The following SEBOX variants were observed in gnomAD, a reference collection of about 807,000 sequenced individuals.
SEBOX encodes the protein homeobox protein SEBOX.
A neutral mutation model predicts 7.8 loss-of-function variants in SEBOX; 10 were observed. The observed-to-expected ratio is 1.28, with a 90% CI of 0.79 to 2.17. The LOEUF is 2.17. SEBOX is among the 30% of genes most tolerant of loss of function. The pLI is 0.00. For synonymous variants in SEBOX, 98 were observed against 91.5 expected (o/e 1.07, Z -0.40); for missense variants, 240 against 239.5 (o/e 1.00, Z -0.01).
Position 28,363,932 on chromosome 17 carries a change from T to C in SEBOX, c.*336A>G, listed in dbSNP as rs1169852306. Among the ~76,000 whole-genome samples the C allele has an allele frequency of 6.6e-6, 1 of 152,138 alleles. No individual in the cohort carries two copies. Among genetic ancestry groups the C allele is most frequent in the Admixed American group, 6.5e-5 (1 of 15,282 alleles). On this transcript the variant is annotated 3_prime_UTR_variant, in exon 3 of 3. Transcript: ENST00000536498. The stretch of plus-strand genomic sequence containing the variant: ...TCAGAAGGAGGAGGCCATCAGCTGG[T>C]GAGAACTGGGGACCAGGCCTGGCAA...
chr17:28,364,162 C>A lies in SEBOX; in HGVS notation c.*106G>T. On this transcript the variant is annotated 3_prime_UTR_variant, in exon 3 of 3. Transcript: ENST00000536498. ...TCCTTTCCCGTAGGGAATCCCTTTG[C>A]ATAAAAAGTGGGGCCAGGGAATCCA... is the stretch of plus-strand genomic sequence containing the variant. The A allele has an allele frequency of 8.9e-7, 1 of 1,124,578 alleles. No individual in the cohort carries two copies. Among genetic ancestry groups the A allele is most frequent in the Non-Finnish European group, 1.2e-6 (1 of 806,966 alleles). The allele number at this position is 1,124,578 out of a possible 1,614,324, so 69.7% of individuals were successfully genotyped here.
chr17:28,364,266 G>A lies in SEBOX; in HGVS notation c.*2C>T. 3 of 1,604,620 alleles carry A rather than the reference G, an allele frequency of 1.9e-6. No individual in the cohort carries two copies. Among genetic ancestry groups the A allele is most frequent in the Non-Finnish European group, 2.6e-6 (3 of 1,175,072 alleles). On this transcript the variant is annotated 3_prime_UTR_variant, in exon 3 of 3. Coordinates refer to ENST00000536498, the MANE Select transcript of SEBOX (RefSeq NM_001080837.4). ...AGGGGCCTTGCAAGTTCTGGACAAAGACTAGGAGTGGTCCACATTGACGAC... is the reference window on the plus strand; with the variant it reads ...AGGGGCCTTGCAAGTTCTGGACAAAAACTAGGAGTGGTCCACATTGACGAC...
Position 28,364,577 on chromosome 17 carries a change from C to T in SEBOX, c.264G>A (p.Glu88=). 6.4e-7 allele frequency: 1 copy of T among 1,560,400 alleles called. No individual in the cohort carries two copies. Among genetic ancestry groups the T allele is most frequent in the Non-Finnish European group, 8.7e-7 (1 of 1,153,902 alleles). Reference sequence around the variant, plus strand: ...GAAGAGAACAGGAGCTCTGGGGGCACTCAGACCCAGGGCTTAGAATTCCTG... The same window carrying T: ...GAAGAGAACAGGAGCTCTGGGGGCATTCAGACCCAGGGCTTAGAATTCCTG... The part of the protein sequence containing the change: ...RKSGILSPGS[E]CPQSSCSLPD... The change falls in exon 3 of 3, where the codon GAG becomes GAA. Residue 88 remains glutamate, a synonymous_variant. Transcript: ENST00000536498.
rs115914138 is a variant in SEBOX, at chr17:28,364,630, A to G, written c.211T>C (p.Trp71Arg). Reference sequence around the variant, plus strand: ...TTCCTGTTCTTGATTATTTTGGCCCAGCGCTTCTGGAACCACACCTGCTAG... The same window carrying G: ...TTCCTGTTCTTGATTATTTTGGCCCGGCGCTTCTGGAACCACACCTGCTAG... ...AKVQVWFQKR[W>R]AKIIKNRKSG... Residue 71 changes from tryptophan to arginine, a missense_variant, in exon 3 of 3, where the codon TGG becomes CGG. By Grantham distance (101) the Trp-to-Arg change is moderately radical. Transcript: ENST00000536498. The G allele has an allele frequency of 1.2e-3, 1,925 of 1,546,172 alleles. 31 individuals carry two copies. The African/African-American group carries it at 0.024, about 19-fold the overall frequency.
chr17:28,364,670 T>C, intron 2 of SEBOX, 22 bp from the exon 3 acceptor site: 2 of 1,553,112 alleles, frequency 1.3e-6, no homozygotes, highest in Non-Finnish European at 1.7e-6. Flanking sequence ...GAAGAAGGGG[T>C]CTGTTCTGGC....
In SEBOX at chr17:28,365,190, G is replaced by A; in HGVS notation, c.-39C>T. 1 of 1,612,736 alleles carries A rather than the reference G, an allele frequency of 6.2e-7. No homozygotes were observed. The highest frequency in any genetic ancestry group is 8.5e-7 in the Non-Finnish European group (1 of 1,179,512). ...GGTAAGGTGCCAGAGGGCCGTGCCA[G>A]AGGGCCATGCCAGGGCTGTGCCCAC... On this transcript the variant is annotated 5_prime_UTR_variant, in exon 1 of 3. Coordinates refer to ENST00000536498, the MANE Select transcript of SEBOX (RefSeq NM_001080837.4).
At chr17:28,364,677 T>C (rs781855707) in intron 2 of SEBOX, 29 bp from the exon 3 acceptor site, 1 of 1,566,508 alleles carries the variant, frequency 6.4e-7, no homozygotes, top group Non-Finnish European at 8.6e-7. Context: ...GGGTCTGTTC[T>C]GGCCCCAGCA....
Position 28,365,105 on chromosome 17 carries a change from TCCC to T in SEBOX, c.31+13_31+15del, listed in dbSNP as rs2067899659. ...CCTGCGTTCTCACCCTGCCCACACTTCCCCCATCAGATCACCTGCTGAGGATGC... is the reference window on the plus strand; with the variant it reads ...CCTGCGTTCTCACCCTGCCCACACTTCCATCAGATCACCTGCTGAGGATGC... On this transcript the variant is annotated intron_variant, in intron 1 of 2. Coordinates refer to ENST00000536498, the MANE Select transcript of SEBOX (RefSeq NM_001080837.4). The T allele has an allele frequency of 1.2e-6, 2 of 1,600,524 alleles. No homozygotes were observed. Among genetic ancestry groups the T allele is most frequent in the Non-Finnish European group, 1.7e-6 (2 of 1,170,778 alleles).
chr17:28,365,183 C>T lies in SEBOX; in HGVS notation c.-32G>A, dbSNP rs201355502. The T allele has an allele frequency of 2.8e-4, 458 of 1,611,984 alleles. 6 individuals carry two copies. In the East Asian group the frequency reaches 9.6e-3, roughly 34 times the overall value. ...GGCAAAGGGTAAGGTGCCAGAGGGC[C>T]GTGCCAGAGGGCCATGCCAGGGCTG... On this transcript the variant is annotated 5_prime_UTR_variant, in exon 1 of 3. Transcript: ENST00000536498.
chr17:28,365,098 C>G lies in SEBOX; in HGVS notation c.31+23G>C, dbSNP rs1555582821. The stretch of plus-strand genomic sequence containing the variant: ...ACCATGGCCTGCGTTCTCACCCTGC[C>G]CACACTTCCCCCATCAGATCACCTG... On this transcript the variant is annotated intron_variant, in intron 1 of 2. Transcript: ENST00000536498. 3.1e-6 allele frequency: 5 copies of G among 1,600,072 alleles called. No homozygotes were observed. In the Admixed American group the frequency reaches 8.5e-5, roughly 27 times the overall value.
chr17:28,364,337 C>A lies in SEBOX; in HGVS notation c.504G>T (p.Gln168His). Residue 168 changes from glutamine to histidine, a missense_variant, in exon 3 of 3, where the codon CAG becomes CAT. By Grantham distance (24) the Gln-to-His change is conservative (BLOSUM62 0). Transcript: ENST00000536498. Reference sequence around the variant, plus strand: ...GGTCAGACAGGCTGCCTAGTGAAGTCTGGGGAGTAGCTCGCTCTAAAGAAG... The same window carrying A: ...GGTCAGACAGGCTGCCTAGTGAAGTATGGGGAGTAGCTCGCTCTAAAGAAG... The part of the protein sequence containing the change: ...VHPSLERATP[Q>H]TSLGSLSDLI... 6.2e-7 allele frequency: 1 copy of A among 1,602,188 alleles called. No individual in the cohort carries two copies.
chr17:28,364,877 G>A lies in SEBOX; in HGVS notation c.110C>T (p.Ala37Val), dbSNP rs201656992. The change falls in exon 2 of 3, where the codon GCG becomes GTG. Residue 37 changes from alanine (A) to valine (V), a missense_variant. Coordinates refer to ENST00000536498, the MANE Select transcript of SEBOX (RefSeq NM_001080837.4). ...GTTGGGGTAGGGCCATGCTGCAAACGCCCTCTCCAGCTCCAGTAGCTGCCC... is the reference window on the plus strand; with the variant it reads ...GTTGGGGTAGGGCCATGCTGCAAACACCCTCTCCAGCTCCAGTAGCTGCCC... The part of the protein sequence containing the change: ...SKGQLLELER[A>V]FAAWPYPNIS... The A allele has an allele frequency of 3.5e-5, 56 of 1,613,844 alleles. No homozygotes were observed. Among genetic ancestry groups the A allele is most frequent in the East Asian group, 4.5e-5 (2 of 44,870 alleles).
Position 28,364,939 on chromosome 17 carries a change from C to T in SEBOX, c.48G>A (p.Leu16=). 1 of 1,611,622 alleles carries T rather than the reference C, an allele frequency of 6.2e-7. No individual in the cohort carries two copies. Among genetic ancestry groups the T allele is most frequent in the Non-Finnish European group, 8.5e-7 (1 of 1,179,068 alleles). Residue 16 remains leucine (L), a synonymous_variant, in exon 2 of 3, where the codon TTG becomes TTA. Coordinates refer to ENST00000536498, the MANE Select transcript of SEBOX (RefSeq NM_001080837.4). ...DASSADGGSG[L]GSHRRKRTTF... ...TGGTCCGCTTTCTCCGGTGGGAACC[C>T]AACCCGCTGCCACCGTCTGCAGGCC...
chr17:28,364,427 C>T lies in SEBOX; in HGVS notation c.414G>A (p.Arg138=). 1.3e-6 allele frequency: 2 copies of T among 1,593,390 alleles called. No individual in the cohort carries two copies. Among genetic ancestry groups the T allele is most frequent in the African/African-American group, 1.3e-5 (1 of 74,590 alleles). Residue 138 remains arginine, a synonymous_variant, in exon 3 of 3, where the codon CGG becomes CGA. Transcript: ENST00000536498. ...CAGCTTTAGCCCCTTCCCAGCCCTGCCGTGGACTCAAGCCAGGAGCTGGAC... is the reference window on the plus strand; with the variant it reads ...CAGCTTTAGCCCCTTCCCAGCCCTGTCGTGGACTCAAGCCAGGAGCTGGAC... ...SSCPAPGLSP[R]QGWEGAKAVA...
At chr17:28,364,988 C>G in intron 1 of SEBOX, 33 bp from the exon 2 acceptor site, 1 of 1,596,428 alleles carries the variant, frequency 6.3e-7, no homozygotes, top group South Asian at 1.1e-5. Context: ...AGCTGGGACT[C>G]CCTGCAAGAG....
Position 28,364,118 on chromosome 17 carries a change from A to AG in SEBOX, c.*149dup. 1 of 791,198 alleles carries AG rather than the reference A, an allele frequency of 1.3e-6. No individual in the cohort carries two copies. The highest frequency in any genetic ancestry group is 1.9e-6 in the Non-Finnish European group (1 of 514,280). 49.0% of individuals were successfully genotyped at this position (791,198 alleles called of 1,614,324 possible). ...GCTGGCCTGGAGGCCAGTGGAAGGG[A>AG]GGGATGCCTGAGCTAAACTCCTTTC... On this transcript the variant is annotated 3_prime_UTR_variant, in exon 3 of 3. Transcript: ENST00000536498.
At position 28,364,526 on chromosome 17, in the gene SEBOX, A is replaced by T; in HGVS notation, c.315T>A (p.Asp105Glu). The T allele has an allele frequency of 6.2e-7, 1 of 1,602,976 alleles. No homozygotes were observed. Among genetic ancestry groups the T allele is most frequent in the Non-Finnish European group, 8.5e-7 (1 of 1,172,568 alleles). ...SLPDTLQQPW[D>E]PQMPGQPPPS... ...GTGGAGGTTGGCCTGGCATTTGGGGATCCCAGGGCTGCTGGAGGGTGTCTG... is the reference window on the plus strand; with the variant it reads ...GTGGAGGTTGGCCTGGCATTTGGGGTTCCCAGGGCTGCTGGAGGGTGTCTG... The change falls in exon 3 of 3, where the codon GAT becomes GAA. Residue 105 changes from aspartate to glutamate, a missense_variant. Physicochemically the swap from Asp to Glu is conservative, Grantham distance 45 (BLOSUM62 2). Coordinates refer to ENST00000536498, the MANE Select transcript of SEBOX (RefSeq NM_001080837.4).
intron 2 of SEBOX, 46 bp downstream of exon 2, chr17:28,364,749 G>A: frequency 1.2e-6 from 2 of 1,609,174 alleles, no homozygotes; most frequent in Non-Finnish European, 1.7e-6. Context: ...AAGGGGCTGT[G>A]GGCCAAGCCT....
Position 28,364,254 on chromosome 17 carries a change from G to A in SEBOX, c.*14C>T, listed in dbSNP as rs537331627. On this transcript the variant is annotated 3_prime_UTR_variant, in exon 3 of 3. Transcript: ENST00000536498. ...AGGAGTCAGAGGAGGGGCCTTGCAA[G>A]TTCTGGACAAAGACTAGGAGTGGTC... The A allele has an allele frequency of 1.3e-6, 2 of 1,594,334 alleles. No homozygotes were observed. The highest frequency in any genetic ancestry group is 2.3e-5 in the East Asian group (1 of 44,396).
Sources: gnomAD v4.1 joint callset for allele counts (sites outside exome capture counted in the v4.1 genomes callset) on GRCh38, gnomAD v4.1.1 for gene constraint, MANE v1.5 for transcripts, NCBI Gene and HGNC (gene_info 2026-07-23, HGNC 2026-07-21) for gene names.